Variants in KAZN observed in about 807,000 individuals in gnomAD.
The protein encoded by KAZN is kazrin.
KAZN carries 40 observed loss-of-function variants against 87.4 expected under a neutral mutation model. That is an observed-to-expected ratio of 0.46 (90% CI 0.36 to 0.60). The LOEUF (loss-of-function observed/expected upper bound fraction) is 0.60, where lower values mean the gene tolerates loss of function less well. Among genes scored for constraint, KAZN ranks in the 20% least tolerant of loss-of-function variants. The pLI, the probability that KAZN is intolerant of heterozygous loss-of-function variation, is 0.00. For synonymous variants in KAZN, 466 were observed against 458.3 expected, an observed-to-expected ratio of 1.02 and a Z score of -0.22; for missense variants, 898 against 1,073.9, an observed-to-expected ratio of 0.84 and a Z score of 2.29.
At chr1:14,819,991 A>G (rs546433574) in intron 1 of KAZN, among the ~76,000 whole-genome samples, 1 of 152,158 alleles carries the variant, frequency 6.6e-6, no homozygotes, top group African/African-American at 2.4e-5. Flanking sequence ...ATGTAGGCAT[A>G]AGCCACTGTG....
chr1:14,132,733 A>G (rs1373820566), intron 1 of KAZN, among the ~76,000 whole-genome samples: 2 of 152,126 alleles, frequency 1.3e-5, no homozygotes, highest in East Asian at 3.9e-4. Flanking sequence ...TGAATTAACA[A>G]TATGTTTCCC....
intron 1 of KAZN, among the ~76,000 whole-genome samples, chr1:14,657,469 C>T (rs934785008): frequency 6.6e-6 from 1 of 152,192 alleles, no homozygotes; most frequent in African/African-American, 2.4e-5. Context: ...TTGCATTTCT[C>T]ACAAGTTTCC....
intron 2 of KAZN, among the ~76,000 whole-genome samples, chr1:14,586,176 A>C: frequency 6.6e-6 from 1 of 152,244 alleles, no homozygotes; most frequent in East Asian, 1.9e-4. Flanking sequence ...AGTTTCAAGG[A>C]AAGGAAGTGT....
chr1:14,668,492 C>G (rs541994821), intron 1 of KAZN, among the ~76,000 whole-genome samples: 46 of 152,226 alleles, frequency 3.0e-4, no homozygotes, highest in Non-Finnish European at 4.9e-4. Flanking sequence ...TCGGGAGTAG[C>G]CAGTGGACTT....
At chr1:14,745,481 C>A (rs188080230) in intron 1 of KAZN, among the ~76,000 whole-genome samples, 20 of 152,212 alleles carry the variant, frequency 1.3e-4, no homozygotes, top group Admixed American at 1.2e-3. Context: ...GCTGCTCCTA[C>A]AACACTCTAA....
intron 8 of KAZN, among the ~76,000 whole-genome samples, chr1:15,090,919 T>G (rs1450292101): frequency 1.3e-5 from 2 of 152,162 alleles, no homozygotes. Context: ...GAGTGTGTGG[T>G]CACCAGGTGG....
At chr1:14,319,650 C>T (rs1195523486) in intron 2 of KAZN, among the ~76,000 whole-genome samples, 3 of 152,180 alleles carry the variant, frequency 2.0e-5, no homozygotes, top group Non-Finnish European at 4.4e-5. Context: ...CCCTTCTCGA[C>T]AGCCTGCAGT....
chr1:14,847,916 G>A (rs1170827265), intron 1 of KAZN, among the ~76,000 whole-genome samples: 1 of 152,162 alleles, frequency 6.6e-6, no homozygotes, highest in Non-Finnish European at 1.5e-5. Context: ...GGAGTTCGAG[G>A]CTGCAGTGAA....
chr1:14,156,799 A>G (rs542634277), intron 1 of KAZN, among the ~76,000 whole-genome samples: 21 of 150,724 alleles, frequency 1.4e-4, no homozygotes, highest in African/African-American at 4.9e-4. Context: ...CAGCCACTCT[A>G]TTTCTTTTCA....
At chr1:14,935,772 G>A (rs1004654971) in intron 1 of KAZN, among the ~76,000 whole-genome samples, 1 of 152,156 alleles carries the variant, frequency 6.6e-6, no homozygotes, top group African/African-American at 2.4e-5. Flanking sequence ...AGGGGCTACT[G>A]GATGTGTCAC....
At chr1:14,672,897 C>T (rs1044772600) in intron 1 of KAZN, among the ~76,000 whole-genome samples, 6 of 152,192 alleles carry the variant, frequency 3.9e-5, no homozygotes, top group African/African-American at 1.4e-4. Context: ...CTGTCTGATG[C>T]CCTCTTCTCT....
chr1:15,069,752 G>A (rs1186841001), intron 8 of KAZN, among the ~76,000 whole-genome samples: 1 of 152,212 alleles, frequency 6.6e-6, no homozygotes, highest in Admixed American at 6.5e-5. Flanking sequence ...CAGCTGCACA[G>A]GTTGGGCACT....
At chr1:14,483,414 T>C (rs1023939494) in intron 2 of KAZN, among the ~76,000 whole-genome samples, 1 of 152,120 alleles carries the variant, frequency 6.6e-6, no homozygotes, top group Non-Finnish European at 1.5e-5. Flanking sequence ...ACATAAGACA[T>C]GAATCAATCC....
chr1:14,509,471 T>A (rs1195890724), intron 2 of KAZN, among the ~76,000 whole-genome samples: 1 of 152,246 alleles, frequency 6.6e-6, no homozygotes, highest in Admixed American at 6.5e-5. Context: ...GAAACTGCCA[T>A]GGCCTTTACG....
intron 2 of KAZN, among the ~76,000 whole-genome samples, chr1:14,255,464 C>A (rs748704448): frequency 6.6e-6 from 1 of 152,138 alleles, no homozygotes; most frequent in Non-Finnish European, 1.5e-5. Context: ...CCCAGCAAGA[C>A]GGAGGCTCAC....
intron 2 of KAZN, among the ~76,000 whole-genome samples, chr1:14,486,941 T>C (rs1292756955): frequency 2.0e-5 from 3 of 152,222 alleles, no homozygotes; most frequent in Non-Finnish European, 1.5e-5. Context: ...TCACATTCAG[T>C]GTGGTTTTGC....
At chr1:14,182,599 C>T (rs1398896425) in intron 2 of KAZN, among the ~76,000 whole-genome samples, 1 of 152,102 alleles carries the variant, frequency 6.6e-6, no homozygotes, top group Non-Finnish European at 1.5e-5. Context: ...TGTTGCCAAG[C>T]TTATAAAATG....
intron 1 of KAZN, among the ~76,000 whole-genome samples, chr1:14,879,926 C>G (rs554471381): frequency 1.3e-5 from 2 of 152,300 alleles, no homozygotes; most frequent in East Asian, 3.9e-4. Flanking sequence ...CTATGACCAA[C>G]TCCTTGTTAT....
At chr1:14,970,704 G>T (rs1664936184) in intron 2 of KAZN, among the ~76,000 whole-genome samples, 1 of 152,158 alleles carries the variant, frequency 6.6e-6, no homozygotes, top group Non-Finnish European at 1.5e-5. Context: ...CTTCTTAGTA[G>T]ATTCCGTGAT....
Sources: allele counts gnomAD v4.1 joint callset (sites outside exome capture counted in the v4.1 genomes callset), GRCh38; gene constraint gnomAD v4.1.1; transcripts MANE v1.5; gene names NCBI Gene and HGNC (gene_info 2026-07-23, HGNC 2026-07-21).